IL1RAPL1: variants seen among roughly 807,000 people sequenced by gnomAD.
IL1RAPL1 encodes interleukin 1 receptor accessory protein like 1, also known as interleukin-1 receptor accessory protein-like 1.
IL1RAPL1 carries 3 observed loss-of-function variants against 48.4 expected under a neutral mutation model. The observed-to-expected ratio is 0.06, with a 90% CI of 0.03 to 0.16. The LOEUF (loss-of-function observed/expected upper bound fraction) is 0.16, where lower values mean the gene tolerates loss of function less well. Ranked by LOEUF, IL1RAPL1 falls within the 10% of genes least tolerant of loss-of-function variation. The probability of loss-of-function intolerance (pLI) is 1.00; values close to 1 mark genes in which losing one functional copy is unlikely to be tolerated. For missense variants in IL1RAPL1, 349 were observed against 530.6 expected, an observed-to-expected ratio of 0.66 and a Z score of 3.36; for synonymous variants, 185 against 187.7, an observed-to-expected ratio of 0.99 and a Z score of 0.12.
At chrX:29,503,921 G>T (rs1404090885) in intron 5 of IL1RAPL1, among the ~76,000 whole-genome samples, 2 of 108,569 alleles carry the variant, frequency 1.8e-5, no homozygotes, top group African/African-American at 6.7e-5. Flanking sequence ...AAAGTGCTAG[G>T]ATAATAAGCA....
At chrX:29,004,152 A>G (rs956385942) in intron 2 of IL1RAPL1, among the ~76,000 whole-genome samples, 4 of 111,807 alleles carry the variant, frequency 3.6e-5, no homozygotes, top group African/African-American at 1.3e-4. Context: ...GAGACTGTCT[A>G]GAAAAAAAAA....
chrX:28,969,304 A>G (rs1457197135), intron 2 of IL1RAPL1, among the ~76,000 whole-genome samples: 2 of 111,850 alleles, frequency 1.8e-5, no homozygotes, highest in East Asian at 5.6e-4. Context: ...TTCTTATACC[A>G]TTACATCATG....
At chrX:29,532,049 T>C (rs754526540) in intron 5 of IL1RAPL1, among the ~76,000 whole-genome samples, 30 of 111,906 alleles carry the variant, frequency 2.7e-4, no homozygotes, top group South Asian at 7.5e-4. Flanking sequence ...GGCGCATAAT[T>C]CAACCAATAA....
chrX:28,635,238 T>G (rs994571149), intron 1 of IL1RAPL1, among the ~76,000 whole-genome samples: 3 of 112,363 alleles, frequency 2.7e-5, no homozygotes, highest in Non-Finnish European at 5.6e-5. Flanking sequence ...TTTTTGTTTC[T>G]GACTCAAGAG....
At chrX:29,721,596 A>T (rs1000728357) in intron 6 of IL1RAPL1, among the ~76,000 whole-genome samples, 6 of 111,567 alleles carry the variant, frequency 5.4e-5, no homozygotes, top group Non-Finnish European at 1.1e-4. Context: ...CCCCTCCTGA[A>T]CTCCACCAGA....
chrX:29,714,479 C>T lies in IL1RAPL1; in HGVS notation c.778+45975C>T, dbSNP rs758216263. 6.3e-5 allele frequency among the ~76,000 whole-genome samples: 7 copies of T among 111,971 alleles called. No homozygotes were observed. In the East Asian group the frequency reaches 2.0e-3, roughly 32 times the overall value. On this transcript the variant is annotated intron_variant, in intron 6 of 10. Coordinates refer to ENST00000378993, the MANE Select transcript of IL1RAPL1 (RefSeq NM_014271.4). ...GAAAAATAGCTTGGAAATTCCGTAA[C>T]AAAGATGAAATAGTCTATTTGTGTA... is the stretch of plus-strand genomic sequence containing the variant.
At chrX:29,456,323 G>A (rs987496513) in intron 5 of IL1RAPL1, among the ~76,000 whole-genome samples, 1 of 111,636 alleles carries the variant, frequency 9.0e-6, no homozygotes, top group Non-Finnish European at 1.9e-5. Context: ...GTTTTCTGGG[G>A]TGGGAGTACA....
chrX:28,965,483 G>A (rs1444408606), intron 2 of IL1RAPL1, among the ~76,000 whole-genome samples: 1 of 111,606 alleles, frequency 9.0e-6, no homozygotes, highest in Admixed American at 9.6e-5. Context: ...CCTTAATTCA[G>A]TTCTTTTACC....
At chrX:28,616,759 G>C (rs1238715682) in intron 1 of IL1RAPL1, among the ~76,000 whole-genome samples, 1 of 111,976 alleles carries the variant, frequency 8.9e-6, no homozygotes, top group Non-Finnish European at 1.9e-5. Flanking sequence ...ATTTGTATTT[G>C]GGTATTTTTC....
intron 2 of IL1RAPL1, among the ~76,000 whole-genome samples, chrX:28,937,416 G>T (rs965782359): frequency 1.8e-5 from 2 of 111,120 alleles, no homozygotes; most frequent in African/African-American, 6.5e-5. Context: ...TAAGGGAACT[G>T]AGTCAAGAAC....
intron 5 of IL1RAPL1, among the ~76,000 whole-genome samples, chrX:29,586,524 T>G (rs1012331529): frequency 8.9e-6 from 1 of 111,829 alleles, no homozygotes; most frequent in Admixed American, 9.5e-5. Flanking sequence ...TCGTTTATGG[T>G]CTTTTATGGT....
chrX:29,270,761 A>G (rs1932029539), intron 2 of IL1RAPL1, among the ~76,000 whole-genome samples: 1 of 112,237 alleles, frequency 8.9e-6, no homozygotes, highest in South Asian at 3.6e-4. Flanking sequence ...TGAATATAGC[A>G]GGTACTTAAC....
chrX:29,732,575 T>G (rs185792406), intron 6 of IL1RAPL1, among the ~76,000 whole-genome samples: 191 of 112,289 alleles, frequency 1.7e-3, no homozygotes, highest in African/African-American at 6.0e-3. Flanking sequence ...ATGTGCTCTT[T>G]CCTTCCACAT....
chrX:29,274,178 G>A (rs969042967), intron 2 of IL1RAPL1, among the ~76,000 whole-genome samples: 2 of 111,370 alleles, frequency 1.8e-5, no homozygotes, highest in African/African-American at 6.5e-5. Context: ...GAGAAGGAAA[G>A]GTCCTGAAGG....
chrX:29,319,837 GT>G (rs1932792149), intron 3 of IL1RAPL1, among the ~76,000 whole-genome samples: 1 of 110,977 alleles, frequency 9.0e-6, no homozygotes, highest in Non-Finnish European at 1.9e-5. Flanking sequence ...AATTTCTGTG[GT>G]TCTCATGAAG....
At chrX:28,791,093 A>C (rs1936534349) in intron 2 of IL1RAPL1, among the ~76,000 whole-genome samples, 1 of 111,740 alleles carries the variant, frequency 8.9e-6, no homozygotes, top group Admixed American at 9.5e-5. Context: ...CTAATTATAT[A>C]AAATCTGTTT....
intron 5 of IL1RAPL1, among the ~76,000 whole-genome samples, chrX:29,667,125 C>G (rs987079081): frequency 4.5e-5 from 5 of 112,033 alleles, no homozygotes; most frequent in Non-Finnish European, 9.4e-5. Flanking sequence ...TTCCTTTGCC[C>G]TTTATTTCTG....
intron 1 of IL1RAPL1, among the ~76,000 whole-genome samples, chrX:28,784,197 A>G (rs2147262923): frequency 8.9e-6 from 1 of 112,020 alleles, no homozygotes; most frequent in Non-Finnish European, 1.9e-5. Flanking sequence ...CAGGAAATCT[A>G]TCTCATAACA....
intron 5 of IL1RAPL1, among the ~76,000 whole-genome samples, chrX:29,436,558 T>C (rs1281938710): frequency 9.1e-6 from 1 of 110,121 alleles, no homozygotes; most frequent in Non-Finnish European, 1.9e-5. Flanking sequence ...CCGCCCTTTT[T>C]TTTTGTTCCC....
Sources: gnomAD v4.1 joint callset for allele counts (sites outside exome capture counted in the v4.1 genomes callset) on GRCh38, gnomAD v4.1.1 for gene constraint, MANE v1.5 for transcripts, NCBI Gene and HGNC (gene_info 2026-07-23, HGNC 2026-07-21) for gene names.